Variants in KIF6 observed in about 807,000 individuals in gnomAD.
KIF6 encodes kinesin-like protein KIF6.
A neutral mutation model predicts 112.7 loss-of-function variants in KIF6; 106 were observed. That is an observed-to-expected ratio of 0.94 (90% CI 0.80 to 1.11). The LOEUF (loss-of-function observed/expected upper bound fraction) is 1.11. Ranked by LOEUF, KIF6 falls within the 50% of genes least tolerant of loss-of-function variation. The pLI, the probability that KIF6 is intolerant of heterozygous loss-of-function variation, is 0.00. For missense variants in KIF6, 929 were observed against 964.0 expected (o/e 0.96, Z 0.48); for synonymous variants, 339 against 339.9 (o/e 1.00, Z 0.03).
At chr6:39,461,549 A>G (rs1411943612) in intron 13 of KIF6, among the ~76,000 whole-genome samples, 1 of 150,098 alleles carries the variant, frequency 6.7e-6, no homozygotes, top group East Asian at 1.9e-4. Context: ...TAATTTTAAT[A>G]TGTTTTATTA....
intron 22 of KIF6, among the ~76,000 whole-genome samples, chr6:39,339,809 CAA>C: frequency 6.6e-6 from 1 of 152,308 alleles, no homozygotes; most frequent in South Asian, 2.1e-4. Context: ...AATCCTAAAT[CAA>C]ATAGATTCAT....
At chr6:39,559,211 C>A (rs1342829033) in intron 10 of KIF6, among the ~76,000 whole-genome samples, 1 of 152,028 alleles carries the variant, frequency 6.6e-6, no homozygotes, top group African/African-American at 2.4e-5. Context: ...TTATAGACAG[C>A]CATTATTAGA....
At chr6:39,422,489 A>G (rs1246439586) in intron 14 of KIF6, among the ~76,000 whole-genome samples, 2 of 152,328 alleles carry the variant, frequency 1.3e-5, no homozygotes, top group African/African-American at 4.8e-5. Context: ...TGCAGTCTTC[A>G]TGAGACCATT....
intron 13 of KIF6, among the ~76,000 whole-genome samples, chr6:39,500,799 T>TAGAGAGGTGGAAGCTCTCTGAGAAGC (rs1301492809): frequency 4.2e-4 from 64 of 152,074 alleles, no homozygotes; most frequent in African/African-American, 6.0e-4. Flanking sequence ...GAGCCAGAAG[T>TAGAGAGGTGGAAGCTCTCTGAGAAGC]AGAGAGGTGG....
chr6:39,535,555 G>T (rs1462384194), intron 13 of KIF6, among the ~76,000 whole-genome samples: 2 of 152,174 alleles, frequency 1.3e-5, no homozygotes, highest in South Asian at 4.1e-4. Context: ...GCACCCAGAT[G>T]CATAAAGCAA....
At chr6:39,376,324 A>C (rs1023587744) in intron 16 of KIF6, among the ~76,000 whole-genome samples, 4 of 152,218 alleles carry the variant, frequency 2.6e-5, no homozygotes, top group Admixed American at 6.5e-5. Context: ...TGTTTTCTGC[A>C]TGTCTGAAGG....
At chr6:39,555,870 CTT>C (rs1779678008) in intron 10 of KIF6, among the ~76,000 whole-genome samples, 2 of 146,866 alleles carry the variant, frequency 1.4e-5, no homozygotes, top group Admixed American at 7.0e-5. Context: ...AGGAGAATCA[CTT>C]GAGCCTGGGA....
chr6:39,493,848 A>T (rs1248397354), intron 13 of KIF6, among the ~76,000 whole-genome samples: 1 of 152,210 alleles, frequency 6.6e-6, no homozygotes, highest in African/African-American at 2.4e-5. Flanking sequence ...GGCTTGCAGT[A>T]AGATGGAGTT....
At chr6:39,433,305 G>A (rs1043599831) in intron 13 of KIF6, among the ~76,000 whole-genome samples, 2 of 152,274 alleles carry the variant, frequency 1.3e-5, no homozygotes, top group Admixed American at 6.5e-5. Context: ...CAGAAAGGAC[G>A]TGGAGGGCAC....
chr6:39,396,176 T>C (rs539222845), intron 15 of KIF6, among the ~76,000 whole-genome samples: 10 of 152,190 alleles, frequency 6.6e-5, no homozygotes, highest in Non-Finnish European at 1.5e-4. Context: ...AGGAATGTGT[T>C]AGTGAGTTTG....
chr6:39,525,653 C>T (rs1777676209), intron 13 of KIF6, among the ~76,000 whole-genome samples: 1 of 151,994 alleles, frequency 6.6e-6, no homozygotes, highest in Admixed American at 6.6e-5. Context: ...ACTCGGGAGG[C>T]TGAGGCAGGA....
rs112400373 is a variant in KIF6 at position 39,599,877 on chromosome 6, G to T, written c.640-3617C>A. Reference sequence around the variant, plus strand: ...GAGTGTACCCATTTCAAAGGAATATGAGATTCACATAAACTAAAATTGTAT... The same window carrying T: ...GAGTGTACCCATTTCAAAGGAATATTAGATTCACATAAACTAAAATTGTAT... On this transcript the variant is annotated intron_variant, in intron 6 of 22. Transcript: ENST00000287152. Among the ~76,000 whole-genome samples the T allele has an allele frequency of 3.8e-3, 577 of 152,276 alleles. 5 individuals carry two copies. Among genetic ancestry groups the T allele is most frequent in the African/African-American group, 0.013 (548 of 41,572 alleles).
chr6:39,664,014 T>C (rs1786309440), intron 3 of KIF6, among the ~76,000 whole-genome samples: 1 of 152,114 alleles, frequency 6.6e-6, no homozygotes, highest in African/African-American at 2.4e-5. Context: ...CCTGTCCTCA[T>C]GAGGCTTACA....
intron 13 of KIF6, among the ~76,000 whole-genome samples, chr6:39,512,707 G>A (rs571308897): frequency 6.6e-6 from 1 of 152,234 alleles, no homozygotes; most frequent in South Asian, 2.1e-4. Context: ...AGTCACCTTG[G>A]CTGCGTCCCT....
At chr6:39,403,079 T>C (rs1282978783) in intron 15 of KIF6, among the ~76,000 whole-genome samples, 1 of 152,240 alleles carries the variant, frequency 6.6e-6, no homozygotes, top group Non-Finnish European at 1.5e-5. Flanking sequence ...AGATTCATTT[T>C]AAAATGACAG....
chr6:39,645,775 G>A (rs1785136737), intron 3 of KIF6, among the ~76,000 whole-genome samples: 1 of 152,134 alleles, frequency 6.6e-6, no homozygotes, highest in South Asian at 2.1e-4. Flanking sequence ...ATATACCATG[G>A]AATACTATGC....
At chr6:39,515,925 G>T (rs1002536780) in intron 13 of KIF6, among the ~76,000 whole-genome samples, 1 of 152,044 alleles carries the variant, frequency 6.6e-6, no homozygotes, top group African/African-American at 2.4e-5. Context: ...ATTGAGTGTA[G>T]GAAAAAAAGT....
chr6:39,483,884 T>C (rs966857437), intron 13 of KIF6, among the ~76,000 whole-genome samples: 3 of 152,160 alleles, frequency 2.0e-5, no homozygotes, highest in Admixed American at 1.3e-4. Context: ...TTCTATTCAT[T>C]CCAAAAACAT....
rs577451423 is a variant in KIF6 at position 39,675,133 on chromosome 6, G to A, written c.252-35376C>T. On this transcript the variant is annotated intron_variant, in intron 3 of 22. Coordinates refer to ENST00000287152, the MANE Select transcript of KIF6 (RefSeq NM_145027.6). ...ATATCTAAGGACCCAAAACAAAGAA[G>A]TAAATGAAAATCGAAATAAAAGCTT... Among the ~76,000 whole-genome samples the A allele has an allele frequency of 3.3e-5, 5 of 152,164 alleles. No homozygotes were observed. The East Asian group carries it at 7.8e-4, about 24-fold the overall frequency.
Sources: allele counts gnomAD v4.1 joint callset (sites outside exome capture counted in the v4.1 genomes callset), GRCh38; gene constraint gnomAD v4.1.1; transcripts MANE v1.5; gene names NCBI Gene and HGNC (gene_info 2026-07-23, HGNC 2026-07-21).